NFATC2: variants seen among roughly 807,000 people sequenced by gnomAD.
NFATC2 encodes nuclear factor of activated T cells 2.
A neutral mutation model predicts 87.3 loss-of-function variants in NFATC2; 22 were observed. That is an observed-to-expected ratio of 0.25 (90% CI 0.18 to 0.36). The LOEUF (loss-of-function observed/expected upper bound fraction) is 0.36. Ranked by LOEUF, NFATC2 falls within the 10% of genes least tolerant of loss-of-function variation. NFATC2 has a pLI of 1.00. For synonymous variants in NFATC2, 565 were observed against 542.2 expected, an observed-to-expected ratio of 1.04 and a Z score of -0.58; for missense variants, 1,149 against 1,259.1, an observed-to-expected ratio of 0.91 and a Z score of 1.32.
chr20:51,554,414 G>A (rs2076960454), intron 1 of NFATC2, among the ~76,000 whole-genome samples: 1 of 152,220 alleles, frequency 6.6e-6, no homozygotes, highest in African/African-American at 2.4e-5. Flanking sequence ...AGTGATTGAA[G>A]TGGGTCATCA....
chr20:51,436,289 C>T (rs1983553467), intron 6 of NFATC2, among the ~76,000 whole-genome samples: 1 of 150,910 alleles, frequency 6.6e-6, no homozygotes, highest in African/African-American at 2.4e-5. Flanking sequence ...ATGTTGACAG[C>T]CAGAAGAAAG....
chr20:51,524,946 G>A lies in NFATC2; in HGVS notation c.131-836C>T, dbSNP rs1245575535. On this transcript the variant is annotated intron_variant, in intron 1 of 10. Coordinates refer to ENST00000371564, the MANE Select transcript of NFATC2 (RefSeq NM_012340.5). This position sits in a 1 kb window ranked among gnomAD's most constrained non-coding sequence, Gnocchi z 4.0. ...TAGACCCAATGGATGCAGGCCGGGC[G>A]TGGTGGCTCACACCTGGAATCCCGG... is the stretch of plus-strand genomic sequence containing the variant. 2.0e-5 allele frequency among the ~76,000 whole-genome samples: 3 copies of A among 152,198 alleles called. No individual in the cohort carries two copies. The highest frequency in any genetic ancestry group is 4.1e-4 in the South Asian group (2 of 4,824).
At chr20:51,410,059 A>T (rs1978950548) in intron 9 of NFATC2, among the ~76,000 whole-genome samples, 1 of 152,012 alleles carries the variant, frequency 6.6e-6, no homozygotes, top group Non-Finnish European at 1.5e-5. Flanking sequence ...AAATACAAAA[A>T]ATTAGCCAGG....
chr20:51,477,565 ATATATATAT>A (rs1568667218), intron 3 of NFATC2, among the ~76,000 whole-genome samples: 1,130 of 107,064 alleles, frequency 0.011, 34 homozygotes, highest in African/African-American at 0.032. Context: ...ATATATATAT[ATATATATAT>A]ATATATAAAA....
chr20:51,486,029 G>C (rs1194663668), intron 3 of NFATC2, among the ~76,000 whole-genome samples: 1 of 152,004 alleles, frequency 6.6e-6, no homozygotes, highest in African/African-American at 2.4e-5. Context: ...TGGCCAACAT[G>C]GTGAAACCCC....
intron 3 of NFATC2, among the ~76,000 whole-genome samples, chr20:51,515,398 G>A (rs2076335927): frequency 1.3e-5 from 2 of 152,198 alleles, no homozygotes; most frequent in African/African-American, 4.8e-5. Flanking sequence ...GGCTACTCCA[G>A]GCCTGCCCTA....
chr20:51,528,481 T>C (rs1420931665), intron 1 of NFATC2, among the ~76,000 whole-genome samples: 3 of 152,092 alleles, frequency 2.0e-5, no homozygotes, highest in Non-Finnish European at 4.4e-5. Context: ...GATGTACAGA[T>C]GTACACGCAC....
chr20:51,537,720 G>T (rs1343618243), intron 1 of NFATC2, among the ~76,000 whole-genome samples: 1 of 152,212 alleles, frequency 6.6e-6, no homozygotes, highest in Non-Finnish European at 1.5e-5. Flanking sequence ...TGAACTGTCT[G>T]CTGACAGCCA....
rs767926205 is a variant in NFATC2 at position 51,488,628 on chromosome 20, C to G, written c.1333-12968G>C. ...GAAAATCTGCACTGAAACCCTATCC[C>G]TTGTCCATCAGAAAGTGTTGTTCAA... On this transcript the variant is annotated intron_variant, in intron 3 of 10. Coordinates refer to ENST00000371564, the MANE Select transcript of NFATC2 (RefSeq NM_012340.5). Among the ~76,000 whole-genome samples, 3 of 152,190 alleles carry G rather than the reference C, an allele frequency of 2.0e-5. No homozygotes were observed. The East Asian group carries it at 5.8e-4, about 29-fold the overall frequency.
intron 9 of NFATC2, among the ~76,000 whole-genome samples, chr20:51,401,329 C>G (rs961815583): frequency 5.3e-5 from 8 of 151,114 alleles, no homozygotes; most frequent in Middle Eastern, 3.2e-3. Flanking sequence ...CAGAGCAAGA[C>G]TGTCTCAAAA....
At chr20:51,542,263 C>T (rs1266542754) in intron 1 of NFATC2, 107 bp downstream of exon 1, 10 of 1,390,550 alleles carry the variant, frequency 7.2e-6, no homozygotes, top group Non-Finnish European at 8.6e-6. Context: ...TCCCTCCAGG[C>T]CCCTTAGGAA....
chr20:51,396,982 G>C (rs1014809152), intron 10 of NFATC2, among the ~76,000 whole-genome samples: 1 of 151,924 alleles, frequency 6.6e-6, no homozygotes, highest in Non-Finnish European at 1.5e-5. Context: ...GCGCCATCTC[G>C]GCTCATCTCC....
intron 8 of NFATC2, among the ~76,000 whole-genome samples, chr20:51,433,357 G>C (rs1330150299): frequency 6.6e-6 from 1 of 152,080 alleles, no homozygotes; most frequent in African/African-American, 2.4e-5. Context: ...GTAGTGCTTT[G>C]GGGGAATAAG....
intron 8 of NFATC2, among the ~76,000 whole-genome samples, chr20:51,433,755 A>G (rs1478501972): frequency 3.6e-5 from 4 of 112,158 alleles, no homozygotes; most frequent in African/African-American, 1.2e-4. Flanking sequence ...GTGTTCATGC[A>G]TGCATGTGTG....
chr20:51,392,502 G>A (rs1220732276), intron 10 of NFATC2, among the ~76,000 whole-genome samples: 1 of 152,148 alleles, frequency 6.6e-6, no homozygotes, highest in Non-Finnish European at 1.5e-5. Flanking sequence ...AAACATTCTT[G>A]GAAAGAAGAA....
At chr20:51,498,109 C>T (rs2076019384) in intron 3 of NFATC2, among the ~76,000 whole-genome samples, 1 of 152,162 alleles carries the variant, frequency 6.6e-6, no homozygotes, top group Non-Finnish European at 1.5e-5. Context: ...CACGAGGGGC[C>T]GGGAAGCTTG....
At chr20:51,475,393 C>G in intron 4 of NFATC2, 65 bp downstream of exon 4, 1 of 1,539,806 alleles carries the variant, frequency 6.5e-7, no homozygotes, top group South Asian at 1.1e-5. Context: ...TCTCCCAAAT[C>G]CCTGCCACCT....
chr20:51,547,099 A>T (rs2076895554), upstream of NFATC2, among the ~76,000 whole-genome samples: 1 of 152,190 alleles, frequency 6.6e-6, no homozygotes, highest in Admixed American at 6.5e-5. Context: ...GTTAGGCAGC[A>T]CATGACAGAA....
chr20:51,475,779 T>A, intron 3 of NFATC2, 119 bp from the exon 4 acceptor site: 1 of 965,548 alleles, frequency 1.0e-6, no homozygotes, highest in Non-Finnish European at 1.5e-6. Flanking sequence ...CTGCAGCATC[T>A]GGAAGAATGG....
Sources: gnomAD v4.1 joint callset for allele counts (sites outside exome capture counted in the v4.1 genomes callset) on GRCh38, gnomAD v4.1.1 for gene constraint, Gnocchi (gnomAD v3.1) non-coding constraint, MANE v1.5 for transcripts, NCBI Gene and HGNC (gene_info 2026-07-23, HGNC 2026-07-21) for gene names.